Variants in PAIP1 observed in about 807,000 individuals in gnomAD.
The protein encoded by PAIP1 is polyadenylate-binding protein-interacting protein 1.
Under a neutral mutation model 61.3 loss-of-function variants are expected in PAIP1, and 16 were observed. The observed-to-expected ratio is 0.26, with a 90% CI of 0.18 to 0.40. The LOEUF (loss-of-function observed/expected upper bound fraction) is 0.40. Ranked by LOEUF, PAIP1 falls within the 10% of genes least tolerant of loss-of-function variation. The probability of loss-of-function intolerance (pLI) is 1.00; values close to 1 mark genes in which losing one functional copy is unlikely to be tolerated. For synonymous variants in PAIP1, 187 were observed against 226.2 expected (o/e 0.83, Z 1.56); for missense variants, 416 against 600.9 (o/e 0.69, Z 3.22).
At chr5:43,528,063 A>G (rs1432252297) in intron 10 of PAIP1, among the ~76,000 whole-genome samples, 1 of 152,198 alleles carries the variant, frequency 6.6e-6, no homozygotes, top group African/African-American at 2.4e-5. Flanking sequence ...GGTGGAAAGC[A>G]AGGCTTCCCA....
chr5:43,533,932 C>T, intron 8 of PAIP1, 140 bp from the exon 9 acceptor site: 1 of 641,160 alleles, frequency 1.6e-6, no homozygotes, highest in Non-Finnish European at 2.8e-6. Flanking sequence ...TCCTGGTAGC[C>T]ATTTTCACTT....
chr5:43,552,960 G>A (rs1054140678), intron 2 of PAIP1, among the ~76,000 whole-genome samples: 2 of 152,186 alleles, frequency 1.3e-5, no homozygotes, highest in Non-Finnish European at 2.9e-5. Context: ...TCTGAACAGT[G>A]AGAGACAGTG....
Position 43,543,033 on chromosome 5 carries a change from A to G in PAIP1, c.705T>C (p.Ser235=), listed in dbSNP as rs1410886445. ...LSHHLTISPQ[S]GNFRQLLLQR... Reference sequence around the variant, plus strand: ...GAAGTAGCAATTGGCGGAAGTTGCCACTCTGTGGGCTAATTGTCAGATGAT... The same window carrying G: ...GAAGTAGCAATTGGCGGAAGTTGCCGCTCTGTGGGCTAATTGTCAGATGAT... The change falls in exon 4 of 11, where the codon AGT becomes AGC. Residue 235 remains serine, a synonymous_variant. Transcript: ENST00000306846. 1 of 1,601,158 alleles carries G rather than the reference A, an allele frequency of 6.2e-7. No homozygotes were observed.
chr5:43,540,186 CTGTT>C (rs1747341791), intron 4 of PAIP1, among the ~76,000 whole-genome samples: 1 of 152,222 alleles, frequency 6.6e-6, no homozygotes, highest in Non-Finnish European at 1.5e-5. Flanking sequence ...GCAACATCTT[CTGTT>C]TAAGTCAAAT....
At position 43,536,894 on chromosome 5, in the gene PAIP1, A is replaced by G; in HGVS notation, c.897T>C (p.Gly299=). The part of the protein sequence containing the change: ...QVTRADILQV[G]LRELLNALFS... ...ACAGGGCATTCAGCAATTCTCGAAG[A>G]CCAACCTGAAGAATATCTGCTCTTG... is the stretch of plus-strand genomic sequence containing the variant. The change falls in exon 6 of 11, where the codon GGT becomes GGC. Residue 299 remains glycine (G), a synonymous_variant. Coordinates refer to ENST00000306846, the MANE Select transcript of PAIP1 (RefSeq NM_006451.5). The G allele has an allele frequency of 6.3e-7, 1 of 1,585,826 alleles. No individual in the cohort carries two copies. The highest frequency in any genetic ancestry group is 8.6e-7 in the Non-Finnish European group (1 of 1,159,816).
intron 10 of PAIP1, among the ~76,000 whole-genome samples, chr5:43,529,086 T>C (rs1323825936): frequency 2.0e-5 from 3 of 148,964 alleles, no homozygotes; most frequent in African/African-American, 7.4e-5. Context: ...TTCTACTGTG[T>C]GCCGGAAGGC....
chr5:43,541,846 G>T (rs1282612177), intron 4 of PAIP1, among the ~76,000 whole-genome samples: 1 of 151,680 alleles, frequency 6.6e-6, no homozygotes, highest in African/African-American at 2.4e-5. Flanking sequence ...TTCAAACACT[G>T]ATTCTAAAGT....
chr5:43,539,338 G>T (rs1188310213), intron 4 of PAIP1, among the ~76,000 whole-genome samples: 2 of 151,960 alleles, frequency 1.3e-5, no homozygotes, highest in Non-Finnish European at 2.9e-5. Context: ...CCCAAAGAGG[G>T]GAGAGAGAGC....
At chr5:43,551,539 A>C (rs1747867255) in intron 2 of PAIP1, among the ~76,000 whole-genome samples, 1 of 152,218 alleles carries the variant, frequency 6.6e-6, no homozygotes, top group Non-Finnish European at 1.5e-5. Context: ...AACTACATAC[A>C]TGCGTGAATT....
chr5:43,551,745 CTTTTT>C (rs10640960), intron 2 of PAIP1, among the ~76,000 whole-genome samples: 31 of 142,924 alleles, frequency 2.2e-4, no homozygotes, highest in Non-Finnish European at 6.1e-5. Context: ...GATTTGCAAT[CTTTTT>C]TTTTTTTTTT....
chr5:43,539,454 CA>C (rs1747305036), intron 4 of PAIP1, among the ~76,000 whole-genome samples: 2 of 7,816 alleles, frequency 2.6e-4, no homozygotes, highest in African/African-American at 6.5e-4. Context: ...TCTTTAAATA[CA>C]CACACACACA....
rs1222198217 is a variant in PAIP1, at chr5:43,556,849, T to TCCTCCTCCTCCG, written c.-15_-4dup. ...GCCCGATCGAAACCGTCCGACATGCTCCTCCTCCTCCGCCTCCTCCTCCAG... is the reference window on the plus strand; with the variant it reads ...GCCCGATCGAAACCGTCCGACATGCTCCTCCTCCTCCGCCTCCTCCTCCGCCTCCTCCTCCAG... On this transcript the variant is annotated 5_prime_UTR_variant, in exon 1 of 11. Coordinates refer to ENST00000306846, the MANE Select transcript of PAIP1 (RefSeq NM_006451.5). 3.5e-6 allele frequency: 5 copies of TCCTCCTCCTCCG among 1,422,510 alleles called. No homozygotes were observed. The highest frequency in any genetic ancestry group is 3.1e-5 in the Admixed American group (1 of 31,878). 88.1% of individuals were successfully genotyped at this position (1,422,510 alleles called of 1,614,324 possible). A position where few individuals can be genotyped will look rare whatever the true frequency, so the allele number is the denominator to read the frequency against.
Position 43,535,611 on chromosome 5 carries a change from C to T in PAIP1, c.1002G>A (p.Trp334Ter). 6.2e-7 allele frequency: 1 copy of T among 1,602,470 alleles called. No homozygotes were observed. The highest frequency in any genetic ancestry group is 8.5e-7 in the Non-Finnish European group (1 of 1,170,588). ...KLTGSVLEDA[W>*]KEKGKMDMEE... ...CCATATCCATCTTTCCTTTTTCCTTCCAAGCATCTTCCAAAACTGATCCTG... is the reference window on the plus strand; with the variant it reads ...CCATATCCATCTTTCCTTTTTCCTTTCAAGCATCTTCCAAAACTGATCCTG... The change falls in exon 7 of 11, where the codon TGG becomes TGA. Residue 334 changes from tryptophan to a stop codon, truncating the protein, a stop_gained. Transcript: ENST00000306846. LOFTEE classifies it high-confidence loss of function.
intron 2 of PAIP1, 47 bp downstream of exon 2, chr5:43,555,783 T>G: frequency 6.7e-7 from 1 of 1,481,538 alleles, no homozygotes; most frequent in Non-Finnish European, 9.2e-7. Flanking sequence ...ACAACCACAT[T>G]ATTCCAGTAA....
intron 1 of PAIP1, 91 bp from the exon 2 acceptor site, chr5:43,556,090 G>GT: frequency 3.4e-6 from 5 of 1,484,210 alleles, no homozygotes; most frequent in Non-Finnish European, 4.5e-6. Flanking sequence ...AAAAGCGTCT[G>GT]TTTTTAAGAG....
chr5:43,536,969 A>G, intron 5 of PAIP1, 25 bp from the exon 6 acceptor site: 1 of 1,546,500 alleles, frequency 6.5e-7, no homozygotes, highest in South Asian at 1.2e-5. Flanking sequence ...AAAAAGAACA[A>G]AAGGAATGAT....
intron 2 of PAIP1, among the ~76,000 whole-genome samples, chr5:43,551,295 A>G (rs1375707541): frequency 2.0e-5 from 3 of 152,204 alleles, no homozygotes; most frequent in Non-Finnish European, 4.4e-5. Context: ...CTTAAAACCC[A>G]ATTTTATGTA....
At chr5:43,556,441 C>G (rs1305562004) in intron 1 of PAIP1, 141 bp downstream of exon 1, 25 of 1,206,034 alleles carry the variant, frequency 2.1e-5, no homozygotes, top group Non-Finnish European at 2.4e-5. Flanking sequence ...CGTCCCTACC[C>G]GGTCACGCGG....
At chr5:43,550,261 T>A (rs1747808796) in intron 2 of PAIP1, among the ~76,000 whole-genome samples, 3 of 152,174 alleles carry the variant, frequency 2.0e-5, no homozygotes, top group South Asian at 4.1e-4. Context: ...TATTTACTAA[T>A]CATAAATATT....
Sources: gnomAD v4.1 joint callset for allele counts (sites outside exome capture counted in the v4.1 genomes callset) on GRCh38, gnomAD v4.1.1 for gene constraint, MANE v1.5 for transcripts, NCBI Gene and HGNC (gene_info 2026-07-23, HGNC 2026-07-21) for gene names.